Variants in CNTNAP5 observed in about 807,000 individuals in gnomAD.
CNTNAP5 encodes the protein contactin associated protein family member 5, also known as contactin-associated protein-like 5.
CNTNAP5 carries 72 observed loss-of-function variants against 150.2 expected under a neutral mutation model. That is an observed-to-expected ratio of 0.48 (90% confidence interval 0.40 to 0.58). The LOEUF is 0.58. CNTNAP5 is among the 20% of genes least tolerant of loss of function. CNTNAP5 has a pLI of 0.00. For missense variants in CNTNAP5, 1,636 were observed against 1,626.2 expected, an observed-to-expected ratio of 1.01 and a Z score of -0.10; for synonymous variants, 672 against 619.8, an observed-to-expected ratio of 1.08 and a Z score of -1.25.
intron 1 of CNTNAP5, among the ~76,000 whole-genome samples, chr2:124,127,135 T>C (rs546991108): frequency 2.3e-4 from 35 of 152,300 alleles, no homozygotes; most frequent in African/African-American, 8.2e-4. Context: ...TGTTTGCAGA[T>C]GACATATTGT....
Position 124,048,654 on chromosome 2 carries a change from T to C in CNTNAP5, c.82+22922T>C, listed in dbSNP as rs766155221. Among the ~76,000 whole-genome samples, 5 of 152,310 alleles carry C rather than the reference T, an allele frequency of 3.3e-5. No individual in the cohort carries two copies. The South Asian group carries it at 8.3e-4, about 25-fold the overall frequency. ...TCAAAAATGAAAAGATTAATGAGTA[T>C]CTTTTTTGTTGGTAAATATGCTTTC... is the stretch of plus-strand genomic sequence containing the variant. On this transcript the variant is annotated intron_variant, in intron 1 of 23. Transcript: ENST00000682447.
intron 11 of CNTNAP5, among the ~76,000 whole-genome samples, chr2:124,601,126 T>C (rs568894466): frequency 6.6e-6 from 1 of 152,282 alleles, no homozygotes; most frequent in East Asian, 1.9e-4. Flanking sequence ...GTTTTTCTTT[T>C]GGAGAAAACA....
chr2:124,471,065 G>C lies in CNTNAP5; in HGVS notation c.919-3674G>C, dbSNP rs75192045. On this transcript the variant is annotated intron_variant, in intron 6 of 23. Transcript: ENST00000682447. ...TCTTGGCTATTCAAACTCTTTTTTC[G>C]TTTCATATAAATTTTAAAAGAGTTT... is the stretch of plus-strand genomic sequence containing the variant. Among the ~76,000 whole-genome samples, 16 of 151,866 alleles carry C rather than the reference G, an allele frequency of 1.1e-4. No homozygotes were observed. The East Asian group carries it at 3.1e-3, about 29-fold the overall frequency.
intron 6 of CNTNAP5, among the ~76,000 whole-genome samples, chr2:124,470,182 C>T (rs1693475209): frequency 6.6e-6 from 1 of 152,150 alleles, no homozygotes; most frequent in Admixed American, 6.6e-5. Flanking sequence ...ATAATTTGCT[C>T]TCCCATCAAT....
At chr2:124,555,109 A>G (rs1695720026) in intron 10 of CNTNAP5, among the ~76,000 whole-genome samples, 1 of 152,046 alleles carries the variant, frequency 6.6e-6, no homozygotes, top group Admixed American at 6.6e-5. Flanking sequence ...ATTTTTTTTA[A>G]CTTGGGAATG....
rs1269229019 is a variant in CNTNAP5, at chr2:124,116,825, C to G, written c.82+91093C>G. On this transcript the variant is annotated intron_variant, in intron 1 of 23. Coordinates refer to ENST00000682447, the MANE Select transcript of CNTNAP5 (RefSeq NM_001367498.1). ...CTCCTACATCATCTTTTGGAGGCCA[C>G]CTTTCAGAGTGGCATGCATTTCACT... Among the ~76,000 whole-genome samples, 3 of 152,294 alleles carry G rather than the reference C, an allele frequency of 2.0e-5. No homozygotes were observed. In the South Asian group the frequency reaches 6.2e-4, roughly 32 times the overall value.
chr2:124,182,421 G>A (rs894456212), intron 1 of CNTNAP5, among the ~76,000 whole-genome samples: 5 of 150,732 alleles, frequency 3.3e-5, no homozygotes, highest in African/African-American at 1.2e-4. Flanking sequence ...TTTTACGGAT[G>A]ACAAAACTGA....
In CNTNAP5 at chr2:124,667,020, C is replaced by A. The variant is rs538620639; in HGVS notation, c.2077+19062C>A. Among the ~76,000 whole-genome samples the A allele has an allele frequency of 4.9e-5, 5 of 102,688 alleles. No individual in the cohort carries two copies. In the South Asian group the frequency reaches 1.4e-3, roughly 30 times the overall value. 67.4% of individuals were successfully genotyped at this position (102,688 alleles called of 152,430 possible). ...ATAGCTTGATGTGCTTTAAGAAGAA[C>A]GATGGGGGAAACATGAGCAATGATT... On this transcript the variant is annotated intron_variant, in intron 13 of 23. Coordinates refer to ENST00000682447, the MANE Select transcript of CNTNAP5 (RefSeq NM_001367498.1).
At chr2:124,680,449 G>A (rs1322914578) in intron 13 of CNTNAP5, among the ~76,000 whole-genome samples, 1 of 151,790 alleles carries the variant, frequency 6.6e-6, no homozygotes, top group African/African-American at 2.4e-5. Context: ...ACACACAGTG[G>A]GCTCCCAGCA....
At chr2:124,217,139 G>A (rs961982170) in intron 1 of CNTNAP5, among the ~76,000 whole-genome samples, 6 of 152,150 alleles carry the variant, frequency 3.9e-5, no homozygotes, top group African/African-American at 1.4e-4. Flanking sequence ...TTCTTGGAAA[G>A]TGATTCCTGG....
rs1435650558 is a variant in CNTNAP5 at position 124,790,122 on chromosome 2, A to G, written c.2973A>G (p.Glu991=). The change falls in exon 18 of 24, where the codon GAA becomes GAG. Residue 991 remains glutamate, a synonymous_variant. Transcript: ENST00000682447. ...GTGATTGCACCAATTCACCTTATGAAGGGCCCTTTTGCAAAAAAGGTACCT... is the reference window on the plus strand; with the variant it reads ...GTGATTGCACCAATTCACCTTATGAGGGGCCCTTTTGCAAAAAAGGTACCT... ...YLCDCTNSPY[E]GPFCKKEVSA... is the part of the protein sequence containing the mutation. 1 of 1,613,596 alleles carries G rather than the reference A, an allele frequency of 6.2e-7. No individual in the cohort carries two copies. Among genetic ancestry groups the G allele is most frequent in the Admixed American group, 1.7e-5 (1 of 59,990 alleles).
intron 13 of CNTNAP5, 24 bp downstream of exon 13, chr2:124,647,982 A>G: frequency 6.4e-7 from 1 of 1,568,030 alleles, no homozygotes; most frequent in African/African-American, 1.4e-5. Context: ...ATGCATGACC[A>G]CAGTGGGATA....
At chr2:124,762,243 A>G (rs957030580) in intron 14 of CNTNAP5, among the ~76,000 whole-genome samples, 4 of 152,138 alleles carry the variant, frequency 2.6e-5, no homozygotes, top group Non-Finnish European at 4.4e-5. Context: ...ATTGTATGGT[A>G]TATTTCTTTA....
At chr2:124,545,502 A>T (rs1459301321) in intron 10 of CNTNAP5, among the ~76,000 whole-genome samples, 2 of 152,166 alleles carry the variant, frequency 1.3e-5, no homozygotes, top group Admixed American at 6.6e-5. Context: ...GTCTGGTGGA[A>T]ATATTGGTCC....
intron 1 of CNTNAP5, among the ~76,000 whole-genome samples, chr2:124,216,276 G>C (rs1290665353): frequency 2.6e-5 from 4 of 151,988 alleles, no homozygotes; most frequent in Admixed American, 2.6e-4. Context: ...TGACAGCAAA[G>C]TTATTTGTTG....
At chr2:124,607,309 G>T (rs1439627197) in intron 11 of CNTNAP5, among the ~76,000 whole-genome samples, 1 of 152,096 alleles carries the variant, frequency 6.6e-6, no homozygotes, top group Admixed American at 6.5e-5. Context: ...TTGCTTTGGT[G>T]CCCATTCTCA....
intron 22 of CNTNAP5, among the ~76,000 whole-genome samples, chr2:124,909,084 G>T (rs751027978): frequency 6.6e-6 from 1 of 152,114 alleles, no homozygotes; most frequent in East Asian, 1.9e-4. Flanking sequence ...TAAGAGTAAA[G>T]TGTTTATAAA....
chr2:124,749,478 G>A (rs1680676220), intron 14 of CNTNAP5, among the ~76,000 whole-genome samples: 1 of 151,770 alleles, frequency 6.6e-6, no homozygotes, highest in Non-Finnish European at 1.5e-5. Context: ...AGGCTGGGGT[G>A]CAATGATGCA....
intron 12 of CNTNAP5, among the ~76,000 whole-genome samples, chr2:124,633,702 T>A (rs1174764386): frequency 6.6e-6 from 1 of 152,172 alleles, no homozygotes; most frequent in African/African-American, 2.4e-5. Flanking sequence ...TAGTAGAGCT[T>A]CTTCTTGAGG....
Sources: allele counts gnomAD v4.1 joint callset (sites outside exome capture counted in the v4.1 genomes callset), GRCh38; gene constraint gnomAD v4.1.1; transcripts MANE v1.5; gene names NCBI Gene and HGNC (gene_info 2026-07-23, HGNC 2026-07-21).